NRG3: variants seen among roughly 807,000 people sequenced by gnomAD.
NRG3 encodes the protein neuregulin 3.
Under a neutral mutation model 66.9 loss-of-function variants are expected in NRG3, and 31 were observed. The ratio of observed to expected loss-of-function variants is 0.46; its 90% CI spans 0.35 to 0.63. The LOEUF (loss-of-function observed/expected upper bound fraction) is 0.63. Ranked by LOEUF, NRG3 falls within the 20% of genes least tolerant of loss-of-function variation. NRG3 has a pLI of 0.00. For missense variants in NRG3, 910 were observed against 878.9 expected (o/e 1.04, Z -0.45); for synonymous variants, 393 against 359.4 (o/e 1.09, Z -1.06).
intron 2 of NRG3, among the ~76,000 whole-genome samples, chr10:82,671,424 G>A (rs959817846): frequency 6.6e-5 from 10 of 152,274 alleles, no homozygotes; most frequent in Admixed American, 6.5e-4. Flanking sequence ...TTGACTCCCC[G>A]TTAAGGAGCA....
At chr10:82,755,547 G>A (rs2059042756) in intron 3 of NRG3, among the ~76,000 whole-genome samples, 1 of 152,088 alleles carries the variant, frequency 6.6e-6, no homozygotes, top group South Asian at 2.1e-4. Context: ...ACTTCAGGCT[G>A]CAGCAGAATA....
intron 1 of NRG3, among the ~76,000 whole-genome samples, chr10:82,126,423 T>A (rs986074128): frequency 9.9e-5 from 15 of 151,998 alleles, no homozygotes; most frequent in African/African-American, 3.4e-4. Context: ...GCTGGGTGGT[T>A]ATGAATCAAG....
At chr10:82,878,025 T>A (rs904047469) in intron 4 of NRG3, among the ~76,000 whole-genome samples, 1 of 152,102 alleles carries the variant, frequency 6.6e-6, no homozygotes, top group African/African-American at 2.4e-5. Flanking sequence ...AATCCTGGGA[T>A]AAAGGGAGAC....
At chr10:82,601,672 C>T (rs1449674060) in intron 2 of NRG3, among the ~76,000 whole-genome samples, 3 of 151,096 alleles carry the variant, frequency 2.0e-5, no homozygotes, top group Admixed American at 6.6e-5. Flanking sequence ...CTTAATTTCT[C>T]GGTGGACCTT....
At chr10:82,022,212 G>C (rs1161602633) in intron 1 of NRG3, among the ~76,000 whole-genome samples, 1 of 152,012 alleles carries the variant, frequency 6.6e-6, no homozygotes, top group African/African-American at 2.4e-5. Context: ...CTGTAGGTAG[G>C]CAACTCATTA....
chr10:82,166,574 A>G (rs1328226344), intron 1 of NRG3, among the ~76,000 whole-genome samples: 1 of 151,816 alleles, frequency 6.6e-6, no homozygotes, highest in African/African-American at 2.4e-5. Flanking sequence ...ACTATATTGC[A>G]TTGCTATTAT....
At chr10:82,208,984 GTTGAGAGGAGAGC>G (rs1482786856) in intron 1 of NRG3, among the ~76,000 whole-genome samples, 1 of 151,186 alleles carries the variant, frequency 6.6e-6, no homozygotes, top group Non-Finnish European at 1.5e-5. Flanking sequence ...ACTACATGAC[GTTGAGAGGAGAGC>G]TTGAGAGAAG....
intron 1 of NRG3, among the ~76,000 whole-genome samples, chr10:81,959,751 G>A (rs7099000): frequency 0.11 from 17,345 of 151,976 alleles, 1,607 homozygotes; most frequent in African/African-American, 0.26. Context: ...GACCTTCCCA[G>A]CCCAATACTA....
chr10:82,435,394 C>A (rs950222744), intron 2 of NRG3, among the ~76,000 whole-genome samples: 2 of 152,010 alleles, frequency 1.3e-5, no homozygotes, highest in Non-Finnish European at 2.9e-5. Flanking sequence ...TTTCAGAAAA[C>A]CTGCTCCTGG....
intron 1 of NRG3, among the ~76,000 whole-genome samples, chr10:81,948,865 G>A (rs1303877861): frequency 6.6e-6 from 1 of 152,144 alleles, no homozygotes; most frequent in Admixed American, 6.6e-5. Context: ...AGAATGTGCT[G>A]AATGCTGTAA....
chr10:82,146,953 C>G (rs2070311578), intron 1 of NRG3, among the ~76,000 whole-genome samples: 1 of 152,126 alleles, frequency 6.6e-6, no homozygotes, highest in South Asian at 2.1e-4. Flanking sequence ...AAGGAAAGAA[C>G]AGAATAACAG....
intron 1 of NRG3, among the ~76,000 whole-genome samples, chr10:82,090,580 G>A (rs1355185910): frequency 6.6e-6 from 1 of 152,124 alleles, no homozygotes; most frequent in Non-Finnish European, 1.5e-5. Flanking sequence ...AGAATCCATT[G>A]TGCTAGGAAA....
chr10:82,860,736 A>G (rs1301338046), intron 3 of NRG3, among the ~76,000 whole-genome samples: 4 of 152,238 alleles, frequency 2.6e-5, no homozygotes, highest in African/African-American at 9.6e-5. Flanking sequence ...AGGAAGTTAT[A>G]TGTTCAAACA....
chr10:81,938,401 T>TA (rs1848089737), intron 1 of NRG3, among the ~76,000 whole-genome samples: 1 of 151,518 alleles, frequency 6.6e-6, no homozygotes, highest in Non-Finnish European at 1.5e-5. Flanking sequence ...TGTTTTTTTT[T>TA]TTCCAGCAAT....
At chr10:82,203,180 G>T (rs1304774416) in intron 1 of NRG3, among the ~76,000 whole-genome samples, 1 of 152,166 alleles carries the variant, frequency 6.6e-6, no homozygotes, top group African/African-American at 2.4e-5. Context: ...GGAGACTGTT[G>T]TAAACCTTCA....
rs148267192 is a variant in NRG3 at position 82,348,229 on chromosome 10, C to T, written c.824-10510C>T. 4.8e-3 allele frequency among the ~76,000 whole-genome samples: 730 copies of T among 152,240 alleles called. 5 individuals are homozygous for T. Among genetic ancestry groups the T allele is most frequent in the African/African-American group, 0.017 (696 of 41,534 alleles). On this transcript the variant is annotated intron_variant, in intron 1 of 8. Coordinates refer to ENST00000372141, the MANE Select transcript of NRG3 (RefSeq NM_001010848.4). ...ACCTGTTGTTCTTTTCCATGTTTAG[C>T]GCTTCCTTCAACAGCTCTTTTAGGG...
At chr10:82,586,073 A>G (rs935203515) in intron 2 of NRG3, among the ~76,000 whole-genome samples, 1 of 152,162 alleles carries the variant, frequency 6.6e-6, no homozygotes, top group Non-Finnish European at 1.5e-5. Context: ...CAAATCATGG[A>G]TGATAGGTTC....
At chr10:82,156,058 A>C (rs536486507) in intron 1 of NRG3, among the ~76,000 whole-genome samples, 2 of 151,778 alleles carry the variant, frequency 1.3e-5, no homozygotes, top group Non-Finnish European at 3.0e-5. Flanking sequence ...TCCTCTGTTC[A>C]TATGTTTTGG....
At position 82,461,167 on chromosome 10, in the gene NRG3, CACT is replaced by C. The variant is rs2091493234; in HGVS notation, c.953+102301_953+102303del. Among the ~76,000 whole-genome samples the C allele has an allele frequency of 3.3e-5, 5 of 152,130 alleles. No homozygotes were observed. The South Asian group carries it at 8.3e-4, about 25-fold the overall frequency. On this transcript the variant is annotated intron_variant, in intron 2 of 8. Coordinates refer to ENST00000372141, the MANE Select transcript of NRG3 (RefSeq NM_001010848.4). ...ATACCATTATGATCAGTATCACCACCACTATCATCAACACCATCACCACCACAA... is the reference window on the plus strand; with the variant it reads ...ATACCATTATGATCAGTATCACCACCATCATCAACACCATCACCACCACAA...
Sources: gnomAD v4.1 joint callset for allele counts (sites outside exome capture counted in the v4.1 genomes callset) on GRCh38, gnomAD v4.1.1 for gene constraint, MANE v1.5 for transcripts, NCBI Gene and HGNC (gene_info 2026-07-23, HGNC 2026-07-21) for gene names.